The following PPP3CA variants were observed in gnomAD, a reference collection of about 807,000 sequenced individuals.
PPP3CA encodes the protein protein phosphatase 3 catalytic subunit alpha, also known as CAM-PRP catalytic subunit.
In PPP3CA, 14 loss-of-function variants were observed where a neutral mutation model predicts 66.5. The observed-to-expected ratio is 0.21, with a 90% CI of 0.14 to 0.33. PPP3CA has a LOEUF of 0.33. Ranked by LOEUF, PPP3CA falls within the 10% of genes least tolerant of loss-of-function variation. The probability of loss-of-function intolerance (pLI) is 1.00; values close to 1 mark genes in which losing one functional copy is unlikely to be tolerated. For missense variants in PPP3CA, 317 were observed against 639.5 expected, an observed-to-expected ratio of 0.50 and a Z score of 5.44; for synonymous variants, 232 against 226.2, an observed-to-expected ratio of 1.03 and a Z score of -0.23.
intron 2 of PPP3CA, among the ~76,000 whole-genome samples, chr4:101,121,903 C>CTGACGTT (rs1201840984): frequency 2.0e-5 from 3 of 152,040 alleles, no homozygotes; most frequent in Non-Finnish European, 4.4e-5. Context: ...TAAGGAGACA[C>CTGACGTT]TGACGTTTGA....
At chr4:101,044,363 A>G (rs751368022) in intron 10 of PPP3CA, among the ~76,000 whole-genome samples, 72 of 152,342 alleles carry the variant, frequency 4.7e-4, no homozygotes, top group Non-Finnish European at 1.5e-4. Flanking sequence ...ACATGCAAAG[A>G]TAATGTCATA....
chr4:101,241,145 G>C (rs1726294594), intron 1 of PPP3CA, among the ~76,000 whole-genome samples: 1 of 152,076 alleles, frequency 6.6e-6, no homozygotes. Context: ...GGGATTACAA[G>C]CATAAGCCAA....
chr4:101,195,779 CTAATG>C (rs1578543294), intron 2 of PPP3CA, 132 bp downstream of exon 2: 1 of 671,350 alleles, frequency 1.5e-6, no homozygotes, highest in Non-Finnish European at 2.5e-6. Context: ...ACTTACTACT[CTAATG>C]TATAGATTCA....
At chr4:101,177,808 AG>A (rs773115024) in intron 2 of PPP3CA, among the ~76,000 whole-genome samples, 6 of 151,226 alleles carry the variant, frequency 4.0e-5, no homozygotes, top group Non-Finnish European at 8.8e-5. Flanking sequence ...ATATCTTACC[AG>A]GAATGACTGT....
At chr4:101,121,822 C>G (rs185106291) in intron 2 of PPP3CA, among the ~76,000 whole-genome samples, 1 of 152,150 alleles carries the variant, frequency 6.6e-6, no homozygotes, top group Admixed American at 6.6e-5. Flanking sequence ...GATATACAGA[C>G]TTACACATAT....
chr4:101,121,967 A>G (rs1468577606), intron 2 of PPP3CA, among the ~76,000 whole-genome samples: 1 of 152,142 alleles, frequency 6.6e-6, no homozygotes, highest in African/African-American at 2.4e-5. Flanking sequence ...CTGCTAAAAC[A>G]GTTTCAGAAG....
intron 1 of PPP3CA, among the ~76,000 whole-genome samples, chr4:101,316,041 C>T (rs1190499593): frequency 3.3e-5 from 5 of 151,984 alleles, no homozygotes; most frequent in Non-Finnish European, 7.4e-5. Context: ...GGGTAAGAAA[C>T]ATTTAAGGAT....
In PPP3CA at chr4:101,334,297, G is replaced by T. The variant is rs546581098; in HGVS notation, c.58+12442C>A. 1.4e-4 allele frequency among the ~76,000 whole-genome samples: 22 copies of T among 152,196 alleles called. 1 individual carries two copies. In the East Asian group the frequency reaches 1.7e-3, roughly 12 times the overall value. The stretch of plus-strand genomic sequence containing the variant: ...TTACAGGCGCATGACACCACGCACA[G>T]CTAATTTTTATATTTTTAGTGGAAA... On this transcript the variant is annotated intron_variant, in intron 1 of 13. Coordinates refer to ENST00000394854, the MANE Select transcript of PPP3CA (RefSeq NM_000944.5).
intron 10 of PPP3CA, among the ~76,000 whole-genome samples, chr4:101,053,803 T>G (rs1214285410): frequency 6.6e-6 from 1 of 152,066 alleles, no homozygotes; most frequent in South Asian, 2.1e-4. Context: ...ACCTGTTGAT[T>G]CTACGTCATA....
At chr4:101,143,304 T>A (rs1425488983) in intron 2 of PPP3CA, among the ~76,000 whole-genome samples, 1 of 152,188 alleles carries the variant, frequency 6.6e-6, no homozygotes, top group Non-Finnish European at 1.5e-5. Context: ...ATTTACTCCC[T>A]TTCTTCTATT....
chr4:101,123,873 C>T (rs1018804151), intron 2 of PPP3CA, among the ~76,000 whole-genome samples: 2 of 152,150 alleles, frequency 1.3e-5, no homozygotes, highest in Non-Finnish European at 2.9e-5. Context: ...ATCTCCCATA[C>T]AAAGTGGTTG....
chr4:101,282,189 A>C (rs1727706448), intron 1 of PPP3CA, among the ~76,000 whole-genome samples: 1 of 152,240 alleles, frequency 6.6e-6, no homozygotes, highest in Non-Finnish European at 1.5e-5. Flanking sequence ...GCCAATTTTG[A>C]GTAGAAGTGT....
In PPP3CA at chr4:101,069,407, A is replaced by G. The variant is rs73833209; in HGVS notation, c.956-6050T>C. On this transcript the variant is annotated intron_variant, in intron 8 of 13. Transcript: ENST00000394854. ...AGGTGGAAATGGAAATACATTCTCA[A>G]CCTCTATATACTTTATATAACTTGT... Among the ~76,000 whole-genome samples, 240 of 152,238 alleles carry G rather than the reference A, an allele frequency of 1.6e-3. 2 individuals carry two copies. The highest frequency in any genetic ancestry group is 5.5e-3 in the African/African-American group (230 of 41,544).
At chr4:101,100,437 T>C (rs1487655179) in intron 3 of PPP3CA, among the ~76,000 whole-genome samples, 2 of 152,124 alleles carry the variant, frequency 1.3e-5, no homozygotes, top group Admixed American at 6.6e-5. Flanking sequence ...TACTAAAAGC[T>C]ACAGGATACA....
At chr4:101,300,795 G>A (rs1284920476) in intron 1 of PPP3CA, among the ~76,000 whole-genome samples, 1 of 151,992 alleles carries the variant, frequency 6.6e-6, no homozygotes, top group Non-Finnish European at 1.5e-5. Context: ...ACTCTGCCAC[G>A]TAATATTTCA....
intron 10 of PPP3CA, among the ~76,000 whole-genome samples, chr4:101,048,821 T>C (rs1727886803): frequency 6.6e-6 from 1 of 152,128 alleles, no homozygotes; most frequent in South Asian, 2.1e-4. Context: ...ATTAAGAGCC[T>C]GCAATGAATG....
chr4:101,220,255 T>C (rs17030915), intron 1 of PPP3CA, among the ~76,000 whole-genome samples: 6,840 of 151,412 alleles, frequency 0.045, 482 homozygotes, highest in African/African-American at 0.15. Context: ...AAAATAATTC[T>C]ATGGATACCC....
rs533814926 is a variant in PPP3CA at position 101,128,128 on chromosome 4, A to C, written c.260-19050T>G. On this transcript the variant is annotated intron_variant, in intron 2 of 13. Coordinates refer to ENST00000394854, the MANE Select transcript of PPP3CA (RefSeq NM_000944.5). ...CTTGTCCAGTCTTCCCTATCCTAAT[A>C]AGAGGCTATGTGCCCTGAGAGCTAA... Among the ~76,000 whole-genome samples, 9 of 152,282 alleles carry C rather than the reference A, an allele frequency of 5.9e-5. No individual in the cohort carries two copies. In the East Asian group the frequency reaches 1.7e-3, roughly 29 times the overall value.
chr4:101,204,492 A>C (rs2850993), intron 1 of PPP3CA, among the ~76,000 whole-genome samples: 116,344 of 151,848 alleles, frequency 0.77, 45,592 homozygotes, highest in African/African-American at 0.94. Flanking sequence ...AAAAATTAGC[A>C]GGGCGTGGTG....
Sources: allele counts gnomAD v4.1 joint callset (sites outside exome capture counted in the v4.1 genomes callset), GRCh38; gene constraint gnomAD v4.1.1; transcripts MANE v1.5; gene names NCBI Gene and HGNC (gene_info 2026-07-23, HGNC 2026-07-21).